Variants in COL9A1 observed in about 807,000 individuals in gnomAD.
COL9A1 encodes collagen alpha-1(IX) chain.
In COL9A1, 104 loss-of-function variants were observed where a neutral mutation model predicts 142.6. That is an observed-to-expected ratio of 0.73 (90% CI 0.62 to 0.86). The LOEUF is 0.86. Ranked by LOEUF, COL9A1 falls within the 40% of genes least tolerant of loss-of-function variation. COL9A1 has a pLI of 0.00. For missense variants in COL9A1, 1,210 were observed against 1,176.6 expected, an observed-to-expected ratio of 1.03 and a Z score of -0.42; for synonymous variants, 466 against 396.0, an observed-to-expected ratio of 1.18 and a Z score of -2.10.
At chr6:70,275,195 G>T in intron 10 of COL9A1, 1 of 180,466 alleles carries the variant, frequency 5.5e-6, no homozygotes, top group Non-Finnish European at 1.2e-5. Context: ...TCTCTCTACA[G>T]GACAATAATC....
intron 29 of COL9A1, among the ~76,000 whole-genome samples, chr6:70,242,444 A>G (rs1267450759): frequency 6.6e-6 from 1 of 152,232 alleles, no homozygotes; most frequent in African/African-American, 2.4e-5. Context: ...ACATTTCACC[A>G]GGTTTAAAAA....
chr6:70,237,879 C>T (rs1770013075), intron 33 of COL9A1, among the ~76,000 whole-genome samples: 1 of 152,168 alleles, frequency 6.6e-6, no homozygotes, highest in Non-Finnish European at 1.5e-5. Flanking sequence ...TGACTGGGTC[C>T]TCCTGGAGAA....
intron 20 of COL9A1, among the ~76,000 whole-genome samples, chr6:70,260,302 G>A (rs1367768133): frequency 6.6e-6 from 1 of 152,026 alleles, no homozygotes; most frequent in Non-Finnish European, 1.5e-5. Context: ...AGTACTTTGG[G>A]AGGCCGAGCC....
chr6:70,299,906 T>G (rs1583355060), intron 4 of COL9A1, 137 bp downstream of exon 4: 1 of 800,312 alleles, frequency 1.2e-6, no homozygotes. Flanking sequence ...GATAGGCAGG[T>G]AAATAAATTT....
At chr6:70,217,121 C>G (rs200640478) in intron 37 of COL9A1, 40 bp from the exon 38 acceptor site, 1 of 1,607,804 alleles carries the variant, frequency 6.2e-7, no homozygotes, top group South Asian at 1.1e-5. Flanking sequence ...ACAGGAGAAT[C>G]CTCATTGATG....
intron 5 of COL9A1, among the ~76,000 whole-genome samples, chr6:70,288,670 A>T (rs1773547064): frequency 6.6e-6 from 1 of 151,892 alleles, no homozygotes; most frequent in Non-Finnish European, 1.5e-5. Flanking sequence ...CCTACACCAG[A>T]CCCTTTTCCA....
chr6:70,217,170 AG>A (rs1334487307), intron 37 of COL9A1, 89 bp from the exon 38 acceptor site: 1 of 1,341,692 alleles, frequency 7.5e-7, no homozygotes. Flanking sequence ...CGCTCAGATA[AG>A]GGGTTTAACA....
At chr6:70,258,087 C>T (rs2127579312) in intron 20 of COL9A1, among the ~76,000 whole-genome samples, 1 of 152,300 alleles carries the variant, frequency 6.6e-6, no homozygotes, top group South Asian at 2.1e-4. Flanking sequence ...ATGTGGCTAA[C>T]ATATTGTACA....
At position 70,282,894 on chromosome 6, in the gene COL9A1, T is replaced by A; in HGVS notation, c.801+4A>T. On this transcript the variant is annotated splice_donor_region_variant and intron_variant, in intron 7 of 37. Transcript: ENST00000357250. ...AATGCAAACACTCCCTGCCCCCAACTTACCTCGTCGGTGGTCTGGCTGGGC... is the reference window on the plus strand; with the variant it reads ...AATGCAAACACTCCCTGCCCCCAACATACCTCGTCGGTGGTCTGGCTGGGC... 2 of 1,614,090 alleles carry A rather than the reference T, an allele frequency of 1.2e-6. No individual in the cohort carries two copies. Among genetic ancestry groups the A allele is most frequent in the South Asian group, 2.2e-5 (2 of 91,068 alleles).
intron 17 of COL9A1, among the ~76,000 whole-genome samples, chr6:70,267,083 C>T (rs545347884): frequency 1.3e-5 from 2 of 152,276 alleles, no homozygotes; most frequent in Admixed American, 6.5e-5. Context: ...CTTCCTCACA[C>T]GGGTTAGGAG....
In COL9A1 at chr6:70,252,335, T is replaced by G. The variant is rs1473153220; in HGVS notation, c.1765-20A>C. The stretch of plus-strand genomic sequence containing the variant: ...GCTACCCTAAGGGTAAAATGCAACA[T>G]CCAAAATAACTCATGCTGAAGTAAG... On this transcript the variant is annotated intron_variant, in intron 26 of 37. Transcript: ENST00000357250. 1.2e-6 allele frequency: 2 copies of G among 1,611,526 alleles called. No individual in the cohort carries two copies. Among genetic ancestry groups the G allele is most frequent in the Non-Finnish European group, 8.5e-7 (1 of 1,177,622 alleles).
intron 37 of COL9A1, among the ~76,000 whole-genome samples, chr6:70,222,152 T>C (rs533877889): frequency 3.3e-5 from 5 of 152,330 alleles, no homozygotes; most frequent in South Asian, 4.1e-4. Flanking sequence ...TAAGAGTCTG[T>C]ATTTTCTCAA....
chr6:70,232,870 T>C, intron 35 of COL9A1, 99 bp from the exon 36 acceptor site: 2 of 1,168,048 alleles, frequency 1.7e-6, no homozygotes, highest in Non-Finnish European at 2.5e-6. Flanking sequence ...TCTAAATGTG[T>C]CACCAGATCT....
intron 33 of COL9A1, among the ~76,000 whole-genome samples, chr6:70,238,515 T>C (rs1471341833): frequency 1.3e-5 from 2 of 152,238 alleles, no homozygotes; most frequent in Non-Finnish European, 2.9e-5. Context: ...TCCTCTATCT[T>C]ACTTCCCCAA....
At chr6:70,275,244 A>G (rs1562320224) in intron 10 of COL9A1, 1 of 157,258 alleles carries the variant, frequency 6.4e-6, no homozygotes, top group Admixed American at 6.2e-5. Context: ...AGTCAATAAA[A>G]TATTTCCTCA....
Position 70,239,282 on chromosome 6 carries a change from T to G in COL9A1, c.2084A>C (p.Asp695Ala). The change falls in exon 33 of 38, where the codon GAT becomes GCT. Residue 695 changes from aspartate to alanine, a missense_variant. Coordinates refer to ENST00000357250, the MANE Select transcript of COL9A1 (RefSeq NM_001851.6). ...GEAGERGELG[D>A]IGLPGPKGSA... is the part of the protein sequence containing the mutation. ...TCCCTTTGGGCCAGGTAATCCTATA[T>G]CTCCCTAAATCAATAAAAGAAATTT... The G allele has an allele frequency of 6.4e-7, 1 of 1,551,936 alleles. No individual in the cohort carries two copies. Among genetic ancestry groups the G allele is most frequent in the Non-Finnish European group, 8.9e-7 (1 of 1,123,898 alleles).
At chr6:70,267,264 C>T (rs1416001456) in intron 17 of COL9A1, among the ~76,000 whole-genome samples, 2 of 151,650 alleles carry the variant, frequency 1.3e-5, no homozygotes, top group Non-Finnish European at 2.9e-5. Flanking sequence ...TGGACTTTCT[C>T]GGATGCACAA....
At position 70,252,193 on chromosome 6, in the gene COL9A1, T is replaced by C; in HGVS notation, c.1819-20A>G. On this transcript the variant is annotated intron_variant, in intron 27 of 37. Coordinates refer to ENST00000357250, the MANE Select transcript of COL9A1 (RefSeq NM_001851.6). ...TTGGCCCTGTTATCAGGAAGGAAGG[T>C]AGAAAAAAAGTTAACACCTACTGAT... 2 of 1,614,052 alleles carry C rather than the reference T, an allele frequency of 1.2e-6. No homozygotes were observed. The highest frequency in any genetic ancestry group is 1.7e-6 in the Non-Finnish European group (2 of 1,179,984).
chr6:70,272,098 T>C lies in COL9A1; in HGVS notation c.1066-10A>G. The stretch of plus-strand genomic sequence containing the variant: ...CAGGAATACCACGGCCCTAAAAGAG[T>C]ACAATAAAAATGGTTATAGCTTGAG... On this transcript the variant is annotated splice_polypyrimidine_tract_variant and intron_variant, in intron 12 of 37. Coordinates refer to ENST00000357250, the MANE Select transcript of COL9A1 (RefSeq NM_001851.6). 1 of 1,609,536 alleles carries C rather than the reference T, an allele frequency of 6.2e-7. No homozygotes were observed. The highest frequency in any genetic ancestry group is 8.5e-7 in the Non-Finnish European group (1 of 1,176,772).
Sources: allele counts gnomAD v4.1 joint callset (sites outside exome capture counted in the v4.1 genomes callset), GRCh38; gene constraint gnomAD v4.1.1; transcripts MANE v1.5; gene names NCBI Gene and HGNC (gene_info 2026-07-23, HGNC 2026-07-21).